Variants in ADCY9 observed in about 807,000 individuals in gnomAD.
The protein encoded by ADCY9 is adenylate cyclase type 9.
ADCY9 carries 50 observed loss-of-function variants against 101.5 expected under a neutral mutation model. That is an observed-to-expected ratio of 0.49 (90% CI 0.39 to 0.62). ADCY9 has a LOEUF of 0.62. Among genes scored for constraint, ADCY9 ranks in the 20% least tolerant of loss-of-function variants. ADCY9 has a pLI of 0.00. For missense variants in ADCY9, 1,662 were observed against 1,800.4 expected (o/e 0.92, Z 1.39); for synonymous variants, 905 against 769.3 (o/e 1.18, Z -2.92).
intron 2 of ADCY9, among the ~76,000 whole-genome samples, chr16:4,106,988 T>C (rs536342191): frequency 1.5e-4 from 23 of 152,340 alleles, no homozygotes; most frequent in East Asian, 9.6e-4. Flanking sequence ...CCATTGGCAA[T>C]TCAGCAAACC....
At chr16:4,069,425 G>A (rs1335173283) in intron 2 of ADCY9, among the ~76,000 whole-genome samples, 1 of 142,492 alleles carries the variant, frequency 7.0e-6, no homozygotes, top group African/African-American at 2.6e-5. Flanking sequence ...CGGGGGAGCC[G>A]TGAAGATGTA....
chr16:4,105,636 C>T (rs1305269817), intron 2 of ADCY9, among the ~76,000 whole-genome samples: 1 of 146,040 alleles, frequency 6.8e-6, no homozygotes, highest in Non-Finnish European at 1.5e-5. Flanking sequence ...GTTAAGATCA[C>T]ACCACTGCTC....
At chr16:4,110,376 C>CTTTT (rs1170090126) in intron 2 of ADCY9, among the ~76,000 whole-genome samples, 3,013 of 110,872 alleles carry the variant, frequency 0.027, 370 homozygotes, top group Middle Eastern at 0.053. Context: ...CTTATACCTA[C>CTTTT]TTTTTTTTTT....
chr16:4,007,601 C>T (rs753439482), intron 2 of ADCY9, 43 bp from the exon 3 acceptor site: 6 of 1,525,582 alleles, frequency 3.9e-6, no homozygotes, highest in African/African-American at 2.8e-5. Context: ...TTGAAAGCAC[C>T]GTCTGTTGAA....
chr16:4,026,468 C>T (rs547482316), intron 2 of ADCY9, among the ~76,000 whole-genome samples: 1 of 149,770 alleles, frequency 6.7e-6, no homozygotes, highest in Non-Finnish European at 1.5e-5. Context: ...AATGACCATA[C>T]ACCCAGAAAC....
At chr16:4,041,103 A>T (rs907065606) in intron 2 of ADCY9, among the ~76,000 whole-genome samples, 1 of 152,200 alleles carries the variant, frequency 6.6e-6, no homozygotes, top group Admixed American at 6.5e-5. Flanking sequence ...AAAGACCAGC[A>T]GGGTCATAAG....
In ADCY9 at chr16:4,095,007, ATTT is replaced by A. The variant is rs34980572; in HGVS notation, c.1693+18740_1693+18742del. ...TTCCTTTCAATGTTGATGACATTTAATTTTTTTTTTTTTTTTTTTGAGACAGTC... is the reference window on the plus strand; with the variant it reads ...TTCCTTTCAATGTTGATGACATTTAATTTTTTTTTTTTTTTTGAGACAGTC... On this transcript the variant is annotated intron_variant, in intron 2 of 10. Coordinates refer to ENST00000294016, the MANE Select transcript of ADCY9 (RefSeq NM_001116.4). Among the ~76,000 whole-genome samples the A allele has an allele frequency of 8.6e-3, 1,113 of 128,820 alleles. 12 individuals carry two copies. The highest frequency in any genetic ancestry group is 0.024 in the African/African-American group (802 of 34,084). 84.5% of individuals were successfully genotyped at this position (128,820 alleles called of 152,430 possible). A position where few individuals can be genotyped will look rare whatever the true frequency, so the allele number is the denominator to read the frequency against.
Position 3,963,705 on chromosome 16 carries a change from C to T in ADCY9, c.*2070G>A. On this transcript the variant is annotated 3_prime_UTR_variant, in exon 11 of 11. Transcript: ENST00000294016. ...AGCAAGGTCGTGAGCAAACGCCCAG[C>T]CCCTCAAAGCTACACAGCCTGGAGG... The T allele has an allele frequency of 4.4e-6, 1 of 229,050 alleles. No individual in the cohort carries two copies. Among genetic ancestry groups the T allele is most frequent in the Non-Finnish European group, 8.5e-6 (1 of 118,202 alleles). The allele number at this position is 229,050 out of a possible 1,614,324, so 14.2% of individuals were successfully genotyped here. A position where few individuals can be genotyped will look rare whatever the true frequency, so the allele number is the denominator to read the frequency against.
chr16:4,110,053 T>A (rs1307444660), intron 2 of ADCY9, among the ~76,000 whole-genome samples: 1 of 152,064 alleles, frequency 6.6e-6, no homozygotes, highest in Non-Finnish European at 1.5e-5. Context: ...CACAGCCTGA[T>A]CTCAGGACCC....
intron 7 of ADCY9, among the ~76,000 whole-genome samples, chr16:3,981,408 G>A (rs2141687995): frequency 6.6e-6 from 1 of 152,318 alleles, no homozygotes; most frequent in South Asian, 2.1e-4. Context: ...ACCTGGGGGT[G>A]GACCAGGGAA....
intron 2 of ADCY9, among the ~76,000 whole-genome samples, chr16:4,046,031 G>A (rs981283247): frequency 6.6e-6 from 1 of 151,728 alleles, no homozygotes; most frequent in Admixed American, 6.6e-5. Context: ...CATATTTTTT[G>A]TAGAGTTGGG....
Position 3,963,143 on chromosome 16 carries a change from T to TGTAC in ADCY9, c.*2631_*2632insGTAC, listed in dbSNP as rs2055953948. 1 of 157,112 alleles carries TGTAC rather than the reference T, an allele frequency of 6.4e-6. No individual in the cohort carries two copies. The highest frequency in any genetic ancestry group is 1.8e-4 in the East Asian group (1 of 5,428). The allele number at this position is 157,112 out of a possible 1,614,324, so 9.7% of individuals were successfully genotyped here. On this transcript the variant is annotated 3_prime_UTR_variant, in exon 11 of 11. Transcript: ENST00000294016. ...ATATATATATATATATATATATATA[T>TGTAC]GGATATATAATTCGATCTGAGCTGG...
At chr16:3,978,990 C>G in intron 8 of ADCY9, 126 bp downstream of exon 8, 10 of 1,239,230 alleles carry the variant, frequency 8.1e-6, no homozygotes, top group South Asian at 1.4e-5. Context: ...GCTGGGATTA[C>G]AGGCGTGAGC....
intron 9 of ADCY9, among the ~76,000 whole-genome samples, chr16:3,975,639 G>C (rs2056086978): frequency 6.6e-6 from 1 of 152,150 alleles, no homozygotes; most frequent in Non-Finnish European, 1.5e-5. Flanking sequence ...ATAACTCAGG[G>C]AGCCAGAATG....
intron 2 of ADCY9, among the ~76,000 whole-genome samples, chr16:4,031,008 T>C (rs528782844): frequency 6.6e-6 from 1 of 151,828 alleles, no homozygotes; most frequent in African/African-American, 2.4e-5. Context: ...AAAATGCCAA[T>C]AGCAGTAAAG....
At position 3,983,248 on chromosome 16, in the gene ADCY9, G is replaced by A. The variant is rs1459120707; in HGVS notation, c.2503C>T (p.Leu835Phe). The change falls in exon 7 of 11, where the codon CTC becomes TTC. Residue 835 changes from leucine (L) to phenylalanine (F), a missense_variant. Around this residue, in one of 5 missense-constraint regions of ADCY9, gnomAD observed 624 missense variants for 639.1 expected, o/e 0.98. Transcript: ENST00000294016. ...GGCGCTTACCTGATGGACACCGCGAGGGACAGCACCTCCAGCAGCAGGGCT... is the reference window on the plus strand; with the variant it reads ...GGCGCTTACCTGATGGACACCGCGAAGGACAGCACCTCCAGCAGCAGGGCT... The part of the protein sequence containing the change: ...SAALLLEVLS[L>F]AVSIRMVFFL... The A allele has an allele frequency of 3.9e-6, 6 of 1,551,162 alleles. No homozygotes were observed. In the Admixed American group the frequency reaches 9.8e-5, roughly 25 times the overall value.
chr16:4,078,572 AAAG>A (rs1165013325), intron 2 of ADCY9, among the ~76,000 whole-genome samples: 5 of 90,780 alleles, frequency 5.5e-5, no homozygotes, highest in South Asian at 3.8e-4. Flanking sequence ...GAAAAAAAAA[AAAG>A]AAAACAAAAA....
chr16:4,071,056 G>A (rs530273897), intron 2 of ADCY9, among the ~76,000 whole-genome samples: 36 of 151,960 alleles, frequency 2.4e-4, no homozygotes, highest in African/African-American at 7.7e-4. Context: ...GTAGCCAGGC[G>A]TGGTGGCTCA....
rs760480608 is a variant in ADCY9, at chr16:4,115,074, G to T, written c.369C>A (p.Ile123=). The T allele has an allele frequency of 2.5e-6, 4 of 1,613,882 alleles. No individual in the cohort carries two copies. Among genetic ancestry groups the T allele is most frequent in the Non-Finnish European group, 3.4e-6 (4 of 1,180,032 alleles). The change falls in exon 2 of 11, where the codon ATC becomes ATA. Residue 123 remains isoleucine, a synonymous_variant. Transcript: ENST00000294016. The surrounding 1 kb of genome is among the most constrained non-coding windows in gnomAD (Gnocchi z 6.2). ...QRRFRYALFY[I]GFACLLWSIY... is the part of the protein sequence containing the mutation. The stretch of plus-strand genomic sequence containing the variant: ...TGCTCCACAGAAGGCAGGCGAAGCC[G>T]ATGTAGAAGAGCGCATACCGGAACC...
Sources: gnomAD v4.1 joint callset for allele counts (sites outside exome capture counted in the v4.1 genomes callset) on GRCh38, gnomAD v4.1.1 for gene constraint, gnomAD v4.1.1 regional missense constraint, Gnocchi (gnomAD v3.1) non-coding constraint, MANE v1.5 for transcripts, NCBI Gene and HGNC (gene_info 2026-07-23, HGNC 2026-07-21) for gene names.